Variants in CHSY3 observed in about 807,000 individuals in gnomAD.
CHSY3 encodes the protein N-acetylgalactosaminyl-proteoglycan 3-beta-glucuronosyltransferase 3.
CHSY3 carries 35 observed loss-of-function variants against 67.2 expected under a neutral mutation model. That is an observed-to-expected ratio of 0.52 (90% confidence interval 0.40 to 0.69). The LOEUF (loss-of-function observed/expected upper bound fraction) is 0.69. Ranked by LOEUF, CHSY3 falls within the 30% of genes least tolerant of loss-of-function variation. The pLI, the probability that CHSY3 is intolerant of heterozygous loss-of-function variation, is 0.00. For synonymous variants in CHSY3, 474 were observed against 434.7 expected (o/e 1.09, Z -1.12); for missense variants, 1,069 against 1,138.5 (o/e 0.94, Z 0.88).
chr5:130,101,636 A>G (rs1767249287), intron 2 of CHSY3, among the ~76,000 whole-genome samples: 1 of 152,152 alleles, frequency 6.6e-6, no homozygotes. Flanking sequence ...TCAGGTATAC[A>G]ATATATTGTT....
intron 2 of CHSY3, among the ~76,000 whole-genome samples, chr5:130,109,278 G>A (rs889058856): frequency 4.6e-5 from 7 of 151,504 alleles, no homozygotes; most frequent in Non-Finnish European, 7.4e-5. Context: ...CATTTTAAGA[G>A]ACATAGATTT....
At chr5:129,994,357 T>C (rs1763464528) in intron 2 of CHSY3, among the ~76,000 whole-genome samples, 1 of 152,112 alleles carries the variant, frequency 6.6e-6, no homozygotes, top group Non-Finnish European at 1.5e-5. Context: ...ACCAATCAGA[T>C]GTAGATTTGG....
At chr5:130,076,129 C>T (rs1446680994) in intron 2 of CHSY3, among the ~76,000 whole-genome samples, 1 of 152,072 alleles carries the variant, frequency 6.6e-6, no homozygotes, top group Non-Finnish European at 1.5e-5. Context: ...CATTGTACTT[C>T]TATGCGCTTG....
chr5:130,093,243 A>T (rs189822709), intron 2 of CHSY3, among the ~76,000 whole-genome samples: 1 of 152,192 alleles, frequency 6.6e-6, no homozygotes, highest in Admixed American at 6.6e-5. Flanking sequence ...ACCTCCACAG[A>T]CTATAAGAGA....
At chr5:130,052,064 T>C (rs957953935) in intron 2 of CHSY3, 2 of 152,254 alleles carry the variant, frequency 1.3e-5, no homozygotes, top group Non-Finnish European at 2.9e-5. Flanking sequence ...TCTGCATCAT[T>C]CTTTTCTTTC....
At chr5:129,971,798 G>A (rs1337307923) in intron 2 of CHSY3, among the ~76,000 whole-genome samples, 2 of 151,900 alleles carry the variant, frequency 1.3e-5, no homozygotes, top group African/African-American at 2.4e-5. Context: ...GCATTTATAG[G>A]GAGTGACCAG....
At chr5:130,133,465 G>A (rs897309042) in intron 2 of CHSY3, among the ~76,000 whole-genome samples, 2 of 151,928 alleles carry the variant, frequency 1.3e-5, no homozygotes, top group Admixed American at 1.3e-4. Context: ...AAGAGGTTAA[G>A]CATCAAGATA....
In CHSY3 at chr5:129,910,332, C is replaced by T. The variant is rs115969625; in HGVS notation, c.1086+1972C>T. ...CACTGACTTATGAATCCGTATAAAACTAAACTAATTGTCTCAACATGTTTT... is the reference window on the plus strand; with the variant it reads ...CACTGACTTATGAATCCGTATAAAATTAAACTAATTGTCTCAACATGTTTT... On this transcript the variant is annotated intron_variant, in intron 2 of 2. Coordinates refer to ENST00000305031, the MANE Select transcript of CHSY3 (RefSeq NM_175856.5). 7.9e-3 allele frequency among the ~76,000 whole-genome samples: 1,199 copies of T among 152,052 alleles called. 10 individuals are homozygous for T. Among genetic ancestry groups the T allele is most frequent in the Non-Finnish European group, 0.011 (766 of 67,850 alleles).
At chr5:130,009,828 G>C (rs758205321) in intron 2 of CHSY3, among the ~76,000 whole-genome samples, 1 of 152,008 alleles carries the variant, frequency 6.6e-6, no homozygotes, top group Non-Finnish European at 1.5e-5. Flanking sequence ...CATGAGGAAA[G>C]GTAGCTGTTC....
intron 2 of CHSY3, among the ~76,000 whole-genome samples, chr5:130,069,379 G>A (rs1403962774): frequency 2.6e-5 from 4 of 152,066 alleles, no homozygotes; most frequent in African/African-American, 4.8e-5. Flanking sequence ...GGCCAGGCAT[G>A]GTGATTCATG....
chr5:129,985,485 T>C (rs1763167515), intron 2 of CHSY3, among the ~76,000 whole-genome samples: 1 of 152,154 alleles, frequency 6.6e-6, no homozygotes, highest in Non-Finnish European at 1.5e-5. Context: ...TCTTTTCACT[T>C]AGGATTCCTT....
chr5:130,040,094 C>T (rs1237948632), intron 2 of CHSY3, among the ~76,000 whole-genome samples: 1 of 152,076 alleles, frequency 6.6e-6, no homozygotes, highest in African/African-American at 2.4e-5. Flanking sequence ...TTGTCTCCAT[C>T]GACCACAGTA....
rs1027643392 is a variant in CHSY3, at chr5:130,131,741, G to A, written c.1087-52488G>A. On this transcript the variant is annotated intron_variant, in intron 2 of 2. Coordinates refer to ENST00000305031, the MANE Select transcript of CHSY3 (RefSeq NM_175856.5). ...AGAGTTGGTCATTGCCAACCCACCC[G>A]TTCAACCTCATGATATCCACTAGAA... Among the ~76,000 whole-genome samples the A allele has an allele frequency of 4.6e-5, 7 of 152,024 alleles. No individual in the cohort carries two copies. In the East Asian group the frequency reaches 7.7e-4, roughly 17 times the overall value.
intron 2 of CHSY3, among the ~76,000 whole-genome samples, chr5:130,178,179 G>A (rs1305877188): frequency 3.6e-5 from 4 of 112,552 alleles, no homozygotes; most frequent in African/African-American, 7.5e-5. Context: ...GTATATATAT[G>A]TGTGTGTGTA....
chr5:130,061,136 A>T lies in CHSY3; in HGVS notation c.1087-123093A>T, dbSNP rs1174039455. ...CTAAGCAAAAAGAACAAACCTGGAG[A>T]TCCCACACTGCCTGACTTCAAATTA... is the stretch of plus-strand genomic sequence containing the variant. On this transcript the variant is annotated intron_variant, in intron 2 of 2. Coordinates refer to ENST00000305031, the MANE Select transcript of CHSY3 (RefSeq NM_175856.5). Among the ~76,000 whole-genome samples the T allele has an allele frequency of 5.9e-5, 9 of 152,104 alleles. No individual in the cohort carries two copies. The East Asian group carries it at 1.5e-3, about 26-fold the overall frequency.
At chr5:130,164,792 A>G (rs1440775870) in intron 2 of CHSY3, among the ~76,000 whole-genome samples, 1 of 152,204 alleles carries the variant, frequency 6.6e-6, no homozygotes, top group Non-Finnish European at 1.5e-5. Context: ...CAATAAACAA[A>G]TGTAAAATTA....
intron 2 of CHSY3, among the ~76,000 whole-genome samples, chr5:130,123,617 G>A (rs1260869993): frequency 6.6e-6 from 1 of 152,208 alleles, no homozygotes; most frequent in Non-Finnish European, 1.5e-5. Context: ...CCTGGGGTTT[G>A]AGGACTCCTG....
At chr5:129,980,576 A>G (rs960433992) in intron 2 of CHSY3, among the ~76,000 whole-genome samples, 1 of 152,042 alleles carries the variant, frequency 6.6e-6, no homozygotes, top group Non-Finnish European at 1.5e-5. Flanking sequence ...TTGTCATCTC[A>G]TTTTCTTAAC....
intron 2 of CHSY3, among the ~76,000 whole-genome samples, chr5:129,930,485 T>A (rs1415501616): frequency 7.5e-6 from 1 of 134,096 alleles, no homozygotes; most frequent in Non-Finnish European, 1.6e-5. Context: ...GCACCATAGA[T>A]GTTTAAAAGG....
Sources: gnomAD v4.1 joint callset for allele counts (sites outside exome capture counted in the v4.1 genomes callset) on GRCh38, gnomAD v4.1.1 for gene constraint, MANE v1.5 for transcripts, NCBI Gene and HGNC (gene_info 2026-07-23, HGNC 2026-07-21) for gene names.